The following ZBTB16 variants were observed in gnomAD, a reference collection of about 807,000 sequenced individuals.
ZBTB16 encodes the protein zinc finger and BTB domain containing 16.
Under a neutral mutation model 56.8 loss-of-function variants are expected in ZBTB16, and 8 were observed. The ratio of observed to expected loss-of-function variants is 0.14; its 90% CI spans 0.08 to 0.25. The LOEUF (loss-of-function observed/expected upper bound fraction) is 0.25, where lower values mean the gene tolerates loss of function less well. ZBTB16 is among the 10% of genes least tolerant of loss of function. The pLI, the probability that ZBTB16 is intolerant of heterozygous loss-of-function variation, is 1.00. For synonymous variants in ZBTB16, 363 were observed against 368.5 expected (o/e 0.98, Z 0.17); for missense variants, 625 against 903.0 (o/e 0.69, Z 3.95).
chr11:114,147,790 G>T (rs942965367), intron 2 of ZBTB16, among the ~76,000 whole-genome samples: 1 of 152,134 alleles, frequency 6.6e-6, no homozygotes, highest in Admixed American at 6.5e-5. Context: ...CCAGGTTTTT[G>T]TGCAGTTTTG....
intron 4 of ZBTB16, among the ~76,000 whole-genome samples, chr11:114,225,483 C>A (rs1338366726): frequency 6.6e-6 from 1 of 152,100 alleles, no homozygotes; most frequent in African/African-American, 2.4e-5. Flanking sequence ...AGGGTGCCAG[C>A]GTCTTACAAG....
At chr11:114,240,841 G>T (rs563062436) in intron 4 of ZBTB16, among the ~76,000 whole-genome samples, 203 of 152,320 alleles carry the variant, frequency 1.3e-3, no homozygotes, top group African/African-American at 3.4e-3. Context: ...CACATCACTC[G>T]CTAGCTTTCA....
intron 4 of ZBTB16, among the ~76,000 whole-genome samples, chr11:114,236,716 CA>C (rs1944599527): frequency 6.6e-6 from 1 of 152,332 alleles, no homozygotes; most frequent in Non-Finnish European, 1.5e-5. Flanking sequence ...GATTGTCTTA[CA>C]ACCCCTTATT....
chr11:114,158,083 G>A (rs2134964027), intron 3 of ZBTB16, among the ~76,000 whole-genome samples: 1 of 152,266 alleles, frequency 6.6e-6, no homozygotes, highest in South Asian at 2.1e-4. Flanking sequence ...GGTTCAGAGT[G>A]TGGCGGGTTT....
At chr11:114,200,856 T>C (rs1943722898) in intron 4 of ZBTB16, among the ~76,000 whole-genome samples, 1 of 152,222 alleles carries the variant, frequency 6.6e-6, no homozygotes, top group African/African-American at 2.4e-5. Context: ...GGCTGCCTGA[T>C]GACAGAAAGG....
chr11:114,118,784 G>A (rs188336525), intron 2 of ZBTB16, among the ~76,000 whole-genome samples: 37 of 152,268 alleles, frequency 2.4e-4, no homozygotes, highest in Admixed American at 1.6e-3. Context: ...GTTATGAAGA[G>A]ACAAATGTTT....
chr11:114,147,825 A>T (rs1942148749), intron 2 of ZBTB16, among the ~76,000 whole-genome samples: 1 of 152,210 alleles, frequency 6.6e-6, no homozygotes, highest in Admixed American at 6.5e-5. Context: ...TCCAGTGAGC[A>T]TAAATAGAAC....
intron 4 of ZBTB16, among the ~76,000 whole-genome samples, chr11:114,236,477 C>T (rs957087575): frequency 7.2e-5 from 11 of 152,170 alleles, no homozygotes; most frequent in African/African-American, 2.7e-4. Context: ...CAACAGAGCT[C>T]AGACATGGAG....
At chr11:114,236,102 C>T (rs944125002) in intron 4 of ZBTB16, among the ~76,000 whole-genome samples, 2 of 152,156 alleles carry the variant, frequency 1.3e-5, no homozygotes, top group African/African-American at 4.8e-5. Context: ...TTCTTCAGAA[C>T]AGCAGAGGTG....
intron 2 of ZBTB16, among the ~76,000 whole-genome samples, chr11:114,115,527 C>T (rs762656722): frequency 6.6e-6 from 1 of 152,050 alleles, no homozygotes; most frequent in Non-Finnish European, 1.5e-5. Context: ...ATTCCTACCC[C>T]TAGAGCAGAA....
intron 2 of ZBTB16, among the ~76,000 whole-genome samples, chr11:114,083,002 C>A (rs745360132): frequency 6.6e-6 from 1 of 152,168 alleles, no homozygotes; most frequent in East Asian, 1.9e-4. Context: ...CGTTGTGTAA[C>A]GAGGGGCATG....
At chr11:114,235,680 T>TTCTA (rs1223012032) in intron 4 of ZBTB16, among the ~76,000 whole-genome samples, 2 of 26,664 alleles carry the variant, frequency 7.5e-5, no homozygotes, top group African/African-American at 1.9e-4. Flanking sequence ...CTTTCTTTCT[T>TTCTA]TCTTTCTTTC....
intron 2 of ZBTB16, among the ~76,000 whole-genome samples, chr11:114,128,356 A>G (rs750990602): frequency 1.1e-4 from 16 of 152,084 alleles, no homozygotes; most frequent in Non-Finnish European, 2.2e-4. Flanking sequence ...GCCACCCACT[A>G]CTTCTGCATG....
At chr11:114,088,140 CTTTT>C (rs10695166) in intron 2 of ZBTB16, among the ~76,000 whole-genome samples, 1 of 123,078 alleles carries the variant, frequency 8.1e-6, no homozygotes, top group Non-Finnish European at 1.6e-5. Flanking sequence ...CCAGATACTT[CTTTT>C]TTTTTTTTTT....
rs145255658 is a variant in ZBTB16 at position 114,120,670 on chromosome 11, C to T, written c.1269-35667C>T. 1.5e-3 allele frequency among the ~76,000 whole-genome samples: 233 copies of T among 152,324 alleles called. 1 individual carries two copies. The highest frequency in any genetic ancestry group is 5.3e-3 in the African/African-American group (221 of 41,564). ...GAGACCCTCCCGCACACTTTCTCTG[C>T]GTGTCTTCGGATGCTGTATTTACTT... On this transcript the variant is annotated intron_variant, in intron 2 of 6. Coordinates refer to ENST00000335953, the MANE Select transcript of ZBTB16 (RefSeq NM_006006.6).
Position 114,182,301 on chromosome 11 carries a change from C to T in ZBTB16, c.1367-4651C>T, listed in dbSNP as rs147975242. ...CTGAGCTCAAGTGATCTACCCATCC[C>T]GGCCTCCCAAAGTGCTGGGATTACA... On this transcript the variant is annotated intron_variant, in intron 3 of 6. Coordinates refer to ENST00000335953, the MANE Select transcript of ZBTB16 (RefSeq NM_006006.6). Among the ~76,000 whole-genome samples, 910 of 152,262 alleles carry T rather than the reference C, an allele frequency of 6.0e-3. 6 individuals are homozygous for T. Among genetic ancestry groups the T allele is most frequent in the African/African-American group, 0.02 (835 of 41,542 alleles).
chr11:114,063,486 C>T lies in ZBTB16; in HGVS notation c.186C>T (p.Leu62=). ...LACTSKMFEI[L]FHRNSQHYTL... ...GCACCAGCAAGATGTTTGAGATCCT[C>T]TTCCACCGCAATAGTCAACACTATA... Residue 62 remains leucine (L), a synonymous_variant, in exon 2 of 7, where the codon CTC becomes CTT. Transcript: ENST00000335953. This position sits in a 1 kb window ranked among gnomAD's most constrained non-coding sequence, Gnocchi z 6.5. 6.2e-7 allele frequency: 1 copy of T among 1,614,248 alleles called. No individual in the cohort carries two copies. Among genetic ancestry groups the T allele is most frequent in the South Asian group, 1.1e-5 (1 of 91,080 alleles).
chr11:114,074,761 A>G (rs1939480740), intron 2 of ZBTB16, among the ~76,000 whole-genome samples: 1 of 152,254 alleles, frequency 6.6e-6, no homozygotes, highest in South Asian at 2.1e-4. Context: ...TGTCCTGTTC[A>G]GGAAATGAAT....
intron 4 of ZBTB16, 74 bp from the exon 5 acceptor site, chr11:114,242,093 C>G (rs1591810344): frequency 3.1e-6 from 5 of 1,591,172 alleles, no homozygotes; most frequent in Middle Eastern, 1.7e-4. Flanking sequence ...GACACTGGCT[C>G]TCACTCCAGA....
Sources: allele counts gnomAD v4.1 joint callset (sites outside exome capture counted in the v4.1 genomes callset), GRCh38; gene constraint gnomAD v4.1.1; non-coding constraint Gnocchi (gnomAD v3.1); transcripts MANE v1.5; gene names NCBI Gene and HGNC (gene_info 2026-07-23, HGNC 2026-07-21).